Variants in WDCP observed in about 807,000 individuals in gnomAD.
WDCP encodes WD repeat and coiled coil containing.
Under a neutral mutation model 41.6 loss-of-function variants are expected in WDCP, and 19 were observed. The ratio of observed to expected loss-of-function variants is 0.46; its 90% confidence interval spans 0.32 to 0.67. The LOEUF is 0.67. Ranked by LOEUF, WDCP falls within the 30% of genes least tolerant of loss-of-function variation. WDCP has a pLI of 0.04. For missense variants in WDCP, 802 were observed against 850.7 expected (o/e 0.94, Z 0.71); for synonymous variants, 302 against 320.8 (o/e 0.94, Z 0.63).
chr2:24,045,774 A>C (rs981611830), intron 1 of WDCP: 2 of 152,014 alleles, frequency 1.3e-5, no homozygotes, highest in Admixed American at 6.6e-5. Context: ...GTATTTCAAG[A>C]CCAGCCTAGG....
chr2:24,038,408 T>A lies in WDCP; in HGVS notation c.1087A>T (p.Ile363Leu), dbSNP rs751281338. 1.2e-6 allele frequency: 2 copies of A among 1,614,188 alleles called. No individual in the cohort carries two copies. Among genetic ancestry groups the A allele is most frequent in the Admixed American group, 3.3e-5 (2 of 60,016 alleles). The change falls in exon 2 of 4, where the codon ATA (isoleucine) becomes TTA (leucine). Residue 363 changes from isoleucine (I) to leucine (L), a missense_variant. Physicochemically the swap from Ile to Leu is conservative, Grantham distance 5. This residue lies in a region of WDCP where 247 missense variants were observed against 240.5 expected (regional missense o/e 1.03). Coordinates refer to ENST00000295148, the MANE Select transcript of WDCP (RefSeq NM_025203.3). Reference protein sequence around the residue: ...VVAVASNTCNIILIYSVIPSS... With the variant: ...VVAVASNTCNLILIYSVIPSS... Reference sequence around the variant, plus strand: ...GGAATGACAGAGTAGATCAAAATTATATTACAAGTGTTGGAAGCCACTGCC... The same window carrying A: ...GGAATGACAGAGTAGATCAAAATTAAATTACAAGTGTTGGAAGCCACTGCC...
At chr2:24,045,658 G>C (rs2150955976) in intron 1 of WDCP, among the ~76,000 whole-genome samples, 2 of 145,354 alleles carry the variant, frequency 1.4e-5, no homozygotes, top group South Asian at 2.2e-4. Context: ...AGGAAGGAAG[G>C]GGGAGGGGGA....
chr2:24,035,926 A>G (rs895725327), intron 2 of WDCP, among the ~76,000 whole-genome samples: 12 of 149,822 alleles, frequency 8.0e-5, no homozygotes, highest in Non-Finnish European at 1.6e-4. Flanking sequence ...AAAATTAGCC[A>G]GGTGTGGTGG....
chr2:24,038,052 T>A lies in WDCP; in HGVS notation c.1443A>T (p.Thr481=). The A allele has an allele frequency of 6.2e-7, 1 of 1,614,180 alleles. No individual in the cohort carries two copies. ...TTCCATTCTGACTACTGGTATTAAC[T>A]GTCAGCAACAGCCCTTTGTTTTGGT... ...FCHQNKGLLL[T]VNTSSQNGRP... is the part of the protein sequence containing the mutation. The change falls in exon 2 of 4, where the codon ACA becomes ACT. Residue 481 remains threonine (T), a synonymous_variant. Coordinates refer to ENST00000295148, the MANE Select transcript of WDCP (RefSeq NM_025203.3).
intron 2 of WDCP, among the ~76,000 whole-genome samples, chr2:24,036,318 C>G (rs872169): frequency 0.15 from 23,086 of 150,514 alleles, 2,046 homozygotes; most frequent in Non-Finnish European, 0.2. Flanking sequence ...TCAGCCTAGG[C>G]AACATAGCAA....
In WDCP at chr2:24,041,317, C is replaced by T. The variant is rs114309698; in HGVS notation, c.-18-1805G>A. On this transcript the variant is annotated intron_variant, in intron 1 of 3. Transcript: ENST00000295148. ...TTGCACCATTGCACTTCAGCCTGGG[C>T]GACAGGAGCAAAACTCTATCTCCAA... 2.8e-3 allele frequency among the ~76,000 whole-genome samples: 417 copies of T among 149,270 alleles called. 2 individuals carry two copies. The highest frequency in any genetic ancestry group is 9.9e-3 in the African/African-American group (400 of 40,560).
At chr2:24,041,000 C>T (rs1173913336) in intron 1 of WDCP, among the ~76,000 whole-genome samples, 3 of 151,094 alleles carry the variant, frequency 2.0e-5, no homozygotes, top group Non-Finnish European at 4.4e-5. Context: ...TGGGTAACAA[C>T]AGCGAAACTC....
Position 24,037,885 on chromosome 2 carries a change from A to C in WDCP, c.1610T>G (p.Leu537Arg), listed in dbSNP as rs1558334133. ...TCTTTGAGGCAAACGAGGAGGCTCCAGTGTGCTGGTGTGGTCTGGTGTGCT... is the reference window on the plus strand; with the variant it reads ...TCTTTGAGGCAAACGAGGAGGCTCCCGTGTGCTGGTGTGGTCTGGTGTGCT... ...HSSTPDHTST[L>R]EPPRLPQRKN... Residue 537 changes from leucine to arginine, a missense_variant, in exon 2 of 4, where the codon CTG becomes CGG. Leu to Arg is a moderately radical substitution (Grantham distance 102). Transcript: ENST00000295148. 1 of 1,614,168 alleles carries C rather than the reference A, an allele frequency of 6.2e-7. No individual in the cohort carries two copies.
chr2:24,039,801 T>C (rs2150951874), intron 1 of WDCP, among the ~76,000 whole-genome samples: 1 of 152,248 alleles, frequency 6.6e-6, no homozygotes, highest in South Asian at 2.1e-4. Context: ...ATTATTTTTC[T>C]TCTTTTTTTT....
intron 1 of WDCP, among the ~76,000 whole-genome samples, chr2:24,044,483 T>C (rs1434105811): frequency 6.6e-6 from 1 of 152,130 alleles, no homozygotes; most frequent in African/African-American, 2.4e-5. Flanking sequence ...GCCAGGCTGG[T>C]CTTGAACTCC....
At chr2:24,041,277 T>A (rs939911747) in intron 1 of WDCP, among the ~76,000 whole-genome samples, 5 of 149,306 alleles carry the variant, frequency 3.3e-5, no homozygotes, top group Admixed American at 1.3e-4. Context: ...AGGTAGAGAT[T>A]ACAGTGAGCC....
rs1428244748 is a variant in WDCP at position 24,030,962 on chromosome 2, A to G, written c.2137T>C (p.Cys713Arg). 16 of 1,614,156 alleles carry G rather than the reference A, an allele frequency of 9.9e-6. No homozygotes were observed. The highest frequency in any genetic ancestry group is 1.4e-5 in the Non-Finnish European group (16 of 1,179,958). ...LAAPSLDTTGCCNHVDGMA is the reference protein window; with the variant it reads ...LAAPSLDTTGRCNHVDGMA ...GCCATGCCATCTACATGGTTACAAC[A>G]GCCAGTGGTATCTAAACTGGGGGCA... The change falls in exon 4 of 4, where the codon TGT becomes CGT. Residue 713 changes from cysteine (C) to arginine (R), a missense_variant. This residue lies in a region of WDCP where 321 missense variants were observed against 305.1 expected (regional missense o/e 1.05). Transcript: ENST00000295148.
intron 2 of WDCP, among the ~76,000 whole-genome samples, chr2:24,035,842 G>A (rs1037147737): frequency 1.3e-5 from 2 of 151,676 alleles, no homozygotes; most frequent in Non-Finnish European, 2.9e-5. Context: ...AGGCCAAGGC[G>A]GGCAGATCAC....
Position 24,030,761 on chromosome 2 carries a change from A to G in WDCP, c.*172T>C. ...CATCTAATAAAGACTGAGCTCTGCTACACAGCAGCGAGCCTCAGCTCAGGG... is the reference window on the plus strand; with the variant it reads ...CATCTAATAAAGACTGAGCTCTGCTGCACAGCAGCGAGCCTCAGCTCAGGG... On this transcript the variant is annotated 3_prime_UTR_variant, in exon 4 of 4. Transcript: ENST00000295148. The G allele has an allele frequency of 1.6e-6, 1 of 609,214 alleles. No homozygotes were observed. The highest frequency in any genetic ancestry group is 3.0e-6 in the Non-Finnish European group (1 of 337,558). The allele number at this position is 609,214 out of a possible 1,614,324, so 37.7% of individuals were successfully genotyped here.
intron 1 of WDCP, among the ~76,000 whole-genome samples, chr2:24,039,901 G>A (rs984129647): frequency 7.2e-5 from 11 of 151,996 alleles, no homozygotes; most frequent in South Asian, 6.2e-4. Flanking sequence ...GGGTTCAAGC[G>A]ATTCTTCTGC....
rs1399590935 is a variant in WDCP at position 24,030,588 on chromosome 2, C to T, written c.*345G>A. ...TATCTTTTAAGTGCTCCTAAGACAG[C>T]TTCAATGCAGCTTTGGACAAGGGAC... On this transcript the variant is annotated 3_prime_UTR_variant, in exon 4 of 4. Transcript: ENST00000295148. 4.7e-6 allele frequency: 1 copy of T among 212,884 alleles called. No homozygotes were observed. Among genetic ancestry groups the T allele is most frequent in the African/African-American group, 2.3e-5 (1 of 43,582 alleles). 13.2% of individuals were successfully genotyped at this position (212,884 alleles called of 1,614,324 possible). A position where few individuals can be genotyped will look rare whatever the true frequency, so the allele number is the denominator to read the frequency against.
chr2:24,034,655 C>T (rs561648357), intron 2 of WDCP, among the ~76,000 whole-genome samples: 1 of 151,044 alleles, frequency 6.6e-6, no homozygotes, highest in Admixed American at 6.6e-5. Flanking sequence ...CTCACTGCAG[C>T]CTCAACCTCC....
Position 24,038,320 on chromosome 2 carries a change from CAT to C in WDCP, c.1173_1174del (p.Ile391MetfsTer19), listed in dbSNP as rs1218469600. The C allele has an allele frequency of 6.2e-7, 1 of 1,614,214 alleles. No individual in the cohort carries two copies. The highest frequency in any genetic ancestry group is 2.2e-5 in the East Asian group (1 of 44,880). On this transcript the variant is annotated frameshift_variant, in exon 2 of 4. Coordinates refer to ENST00000295148, the MANE Select transcript of WDCP (RefSeq NM_025203.3). LOFTEE classifies it high-confidence loss of function. The stretch of plus-strand genomic sequence containing the variant: ...TAGTAATAGTTGGTCTGTCAAGAAA[CAT>C]ATCCCTTTTGGTCTTTCAGTGTTCT...
chr2:24,032,914 T>C lies in WDCP; in HGVS notation c.1851A>G (p.Lys617=), dbSNP rs375636555. The C allele has an allele frequency of 8.1e-5, 131 of 1,613,062 alleles. 2 individuals are homozygous for C. In the South Asian group the frequency reaches 1.3e-3, roughly 16 times the overall value. ...KPYYLGPVVE[K]RAVLLCDGKL... ...TACCATCACAGAGAAGCACCGCTCTTTTTTCAACAACAGGACCTAGATAAT... is the reference window on the plus strand; with the variant it reads ...TACCATCACAGAGAAGCACCGCTCTCTTTTCAACAACAGGACCTAGATAAT... Residue 617 remains lysine (K), a synonymous_variant, in exon 3 of 4, where the codon AAA becomes AAG. Coordinates refer to ENST00000295148, the MANE Select transcript of WDCP (RefSeq NM_025203.3).
Sources: gnomAD v4.1 joint callset for allele counts (sites outside exome capture counted in the v4.1 genomes callset) on GRCh38, gnomAD v4.1.1 for gene constraint, gnomAD v4.1.1 regional missense constraint, MANE v1.5 for transcripts, NCBI Gene and HGNC (gene_info 2026-07-23, HGNC 2026-07-21) for gene names.